The following TMEM178B variants were observed in gnomAD, a reference collection of about 807,000 sequenced individuals.
The protein encoded by TMEM178B is transmembrane protein 178B.
TMEM178B carries 5 observed loss-of-function variants against 31.0 expected under a neutral mutation model. The ratio of observed to expected loss-of-function variants is 0.16; its 90% CI spans 0.08 to 0.34. The LOEUF is 0.34. Among genes scored for constraint, TMEM178B ranks in the 10% least tolerant of loss-of-function variants. TMEM178B has a pLI of 1.00. For missense variants in TMEM178B, 275 were observed against 400.3 expected (o/e 0.69, Z 2.67); for synonymous variants, 164 against 164.0 (o/e 1.00, Z 0.00).
In TMEM178B at chr7:141,347,320, G is replaced by A. The variant is rs561924218; in HGVS notation, c.497-90288G>A. 1.1e-4 allele frequency among the ~76,000 whole-genome samples: 16 copies of A among 152,236 alleles called. 1 individual carries two copies. The highest frequency in any genetic ancestry group is 3.9e-4 in the African/African-American group (16 of 41,546). On this transcript the variant is annotated intron_variant, in intron 2 of 3. Coordinates refer to ENST00000565468, the MANE Select transcript of TMEM178B (RefSeq NM_001195278.2). The stretch of plus-strand genomic sequence containing the variant: ...CCTTCAAATTTAAATGTAGTGTGGA[G>A]GAGGGCCATGATATTGTATGCAGAC...
intron 2 of TMEM178B, among the ~76,000 whole-genome samples, chr7:141,393,099 T>A (rs1411031509): frequency 6.6e-6 from 1 of 152,154 alleles, no homozygotes; most frequent in African/African-American, 2.4e-5. Flanking sequence ...GTATGATAAC[T>A]CATTTTCTTC....
the TMEM178B span, among the ~76,000 whole-genome samples, chr7:141,503,467 G>C: frequency 6.6e-6 from 1 of 152,190 alleles, no homozygotes; most frequent in African/African-American, 2.4e-5. Flanking sequence ...TGTTAGCATA[G>C]TGAAGGAAGC....
intron 2 of TMEM178B, among the ~76,000 whole-genome samples, chr7:141,220,683 C>T (rs1396694164): frequency 1.3e-5 from 2 of 152,172 alleles, no homozygotes; most frequent in East Asian, 1.9e-4. Flanking sequence ...CAATTTTGTG[C>T]TGGGAATTAG....
At chr7:141,459,570 G>A (rs1802025832) in intron 3 of TMEM178B, among the ~76,000 whole-genome samples, 1 of 152,166 alleles carries the variant, frequency 6.6e-6, no homozygotes. Context: ...ATAATCTCGT[G>A]CTAGGCATAC....
chr7:141,220,311 A>AAAT (rs143440134), intron 2 of TMEM178B, among the ~76,000 whole-genome samples: 1,594 of 140,634 alleles, frequency 0.011, 20 homozygotes, highest in Middle Eastern at 0.021. Context: ...ACTCCATCTC[A>AAAT]AATAATAATA....
intron 2 of TMEM178B, among the ~76,000 whole-genome samples, chr7:141,215,777 CCTTTCTTTCTTTCTTTCTTTCTTTCTTT>C (rs529722580): frequency 3.2e-4 from 36 of 112,130 alleles, no homozygotes; most frequent in East Asian, 1.5e-3. Flanking sequence ...TATATACTTT[CCTTTCTTTCTTTCTTTCTTTCTTTCTTT>C]CTTTCTTTCT....
chr7:141,326,597 A>G (rs1799194343), intron 2 of TMEM178B, among the ~76,000 whole-genome samples: 1 of 152,198 alleles, frequency 6.6e-6, no homozygotes, highest in Non-Finnish European at 1.5e-5. Flanking sequence ...AACTTGAACT[A>G]CAGACCAAAT....
At chr7:141,185,248 C>T (rs1280160226) in intron 1 of TMEM178B, among the ~76,000 whole-genome samples, 1 of 152,210 alleles carries the variant, frequency 6.6e-6, no homozygotes, top group Non-Finnish European at 1.5e-5. Flanking sequence ...AGCCTCCTGC[C>T]TTATCTCCAG....
At chr7:141,453,631 G>T (rs73169571) in intron 3 of TMEM178B, among the ~76,000 whole-genome samples, 1 of 152,352 alleles carries the variant, frequency 6.6e-6, no homozygotes, top group Non-Finnish European at 1.5e-5. Context: ...TATGGACAAA[G>T]GGAGCCTCCC....
intron 2 of TMEM178B, among the ~76,000 whole-genome samples, chr7:141,354,817 A>G (rs946817477): frequency 2.6e-5 from 4 of 152,116 alleles, no homozygotes; most frequent in Non-Finnish European, 5.9e-5. Context: ...CTCCTGGGAC[A>G]TTGCACTGAG....
intron 2 of TMEM178B, among the ~76,000 whole-genome samples, chr7:141,377,159 GTATTTATTTATTTATT>G (rs199852618): frequency 3.4e-5 from 5 of 145,260 alleles, no homozygotes; most frequent in African/African-American, 5.0e-5. Context: ...GGCTACTTCT[GTATTTATTTATTTATT>G]TATTTATTTA....
chr7:141,404,900 T>G (rs1316676360), intron 2 of TMEM178B, among the ~76,000 whole-genome samples: 1 of 152,218 alleles, frequency 6.6e-6, no homozygotes, highest in Non-Finnish European at 1.5e-5. Flanking sequence ...TCCACTGCTC[T>G]GAACAACCCT....
intron 1 of TMEM178B, among the ~76,000 whole-genome samples, chr7:141,084,508 A>G (rs530335999): frequency 7.7e-4 from 118 of 152,290 alleles, no homozygotes; most frequent in Non-Finnish European, 1.2e-3. Flanking sequence ...GGTTGGTTCT[A>G]TGGGAGATTT....
At chr7:141,110,573 C>T (rs1385758109) in intron 1 of TMEM178B, among the ~76,000 whole-genome samples, 1 of 152,196 alleles carries the variant, frequency 6.6e-6, no homozygotes, top group Non-Finnish European at 1.5e-5. Context: ...CATGTGTCCT[C>T]TCCTTTTTCT....
At chr7:141,369,414 A>G (rs1800072569) in intron 2 of TMEM178B, among the ~76,000 whole-genome samples, 1 of 151,754 alleles carries the variant, frequency 6.6e-6, no homozygotes, top group Non-Finnish European at 1.5e-5. Flanking sequence ...TAGAGAAGGT[A>G]AAATTCTGTT....
intron 1 of TMEM178B, among the ~76,000 whole-genome samples, chr7:141,143,290 A>G (rs1476502488): frequency 6.6e-6 from 1 of 152,182 alleles, no homozygotes; most frequent in Non-Finnish European, 1.5e-5. Context: ...ATTCTTTCTC[A>G]AGGCCAATGT....
intron 2 of TMEM178B, among the ~76,000 whole-genome samples, chr7:141,233,053 A>G (rs1417631444): frequency 6.6e-6 from 1 of 152,132 alleles, no homozygotes; most frequent in African/African-American, 2.4e-5. Flanking sequence ...ATTGATTCGA[A>G]TGTGGTCATC....
intron 1 of TMEM178B, among the ~76,000 whole-genome samples, chr7:141,081,062 A>T (rs1443379994): frequency 6.6e-6 from 1 of 152,138 alleles, no homozygotes; most frequent in Non-Finnish European, 1.5e-5. Context: ...TCTGCTTATA[A>T]AAAAAAGTTA....
intron 2 of TMEM178B, among the ~76,000 whole-genome samples, chr7:141,416,543 T>A (rs965490360): frequency 6.6e-6 from 1 of 152,254 alleles, no homozygotes; most frequent in Non-Finnish European, 1.5e-5. Context: ...CCCATCATAC[T>A]TTAAAAAATC....
Sources: gnomAD v4.1 joint callset for allele counts (sites outside exome capture counted in the v4.1 genomes callset) on GRCh38, gnomAD v4.1.1 for gene constraint, MANE v1.5 for transcripts, NCBI Gene and HGNC (gene_info 2026-07-23, HGNC 2026-07-21) for gene names.